The following MADD variants were observed in gnomAD, a reference collection of about 807,000 sequenced individuals.
MADD encodes the protein MAP kinase activating death domain, also known as MAP kinase-activating death domain protein.
A neutral mutation model predicts 176.7 loss-of-function variants in MADD; 109 were observed. That is an observed-to-expected ratio of 0.62 (90% CI 0.53 to 0.72). The LOEUF is 0.72. MADD is among the 30% of genes least tolerant of loss of function. The pLI is 0.00. For synonymous variants in MADD, 771 were observed against 771.3 expected (o/e 1.00, Z 0.01); for missense variants, 1,914 against 2,045.5 (o/e 0.94, Z 1.24).
chr11:47,297,322 A>T (rs1023017062), intron 22 of MADD, among the ~76,000 whole-genome samples: 2 of 152,162 alleles, frequency 1.3e-5, no homozygotes, highest in Non-Finnish European at 2.9e-5. Context: ...GGAGATTGGG[A>T]ATAGGACTGA....
At chr11:47,275,212 A>G in intron 3 of MADD, 53 bp downstream of exon 3, 7 of 1,509,496 alleles carry the variant, frequency 4.6e-6, no homozygotes, top group Non-Finnish European at 3.6e-6. Flanking sequence ...ATTCCATGTA[A>G]TTGGTCTTTG....
chr11:47,295,024 T>TG (rs1339618222), intron 20 of MADD, among the ~76,000 whole-genome samples: 4 of 151,850 alleles, frequency 2.6e-5, no homozygotes, highest in Admixed American at 1.3e-4. Flanking sequence ...TTTGTTTTTT[T>TG]TTTTGAGACA....
At chr11:47,324,642 C>T in intron 30 of MADD, 65 bp downstream of exon 33, 1 of 1,075,290 alleles carries the variant, frequency 9.3e-7, no homozygotes, top group Non-Finnish European at 1.4e-6. Context: ...AATGTCCAAG[C>T]CCCCAGTACT....
rs769757772 is a variant in MADD, at chr11:47,281,631, T to G, written c.1347T>G (p.His449Gln). Residue 449 changes from histidine to glutamine, a missense_variant, in exon 8 of 33, where the codon CAT becomes CAG. Coordinates refer to ENST00000402192, the Ensembl canonical transcript of MADD. ...CCATCCTCAATCTGGAGAAATTTCATGAGGGCCAGGAGATCCCCCTTCTCT... is the reference window on the plus strand; with the variant it reads ...CCATCCTCAATCTGGAGAAATTTCAGGAGGGCCAGGAGATCCCCCTTCTCT... The G allele has an allele frequency of 6.2e-7, 1 of 1,613,528 alleles. No homozygotes were observed. The highest frequency in any genetic ancestry group is 8.5e-7 in the Non-Finnish European group (1 of 1,179,654).
At chr11:47,322,408 C>G (rs2094610674) in intron 27 of MADD, among the ~76,000 whole-genome samples, 1 of 151,954 alleles carries the variant, frequency 6.6e-6, no homozygotes, top group Non-Finnish European at 1.5e-5. Flanking sequence ...GAGATCAAGA[C>G]TATCCTTGCT....
intron 18 of MADD, 112 bp from the exon 20 acceptor site, chr11:47,290,498 C>A: frequency 7.8e-7 from 1 of 1,288,302 alleles, no homozygotes; most frequent in Non-Finnish European, 1.1e-6. Context: ...GCTCATCTTT[C>A]CTTGAACTTC....
At chr11:47,316,171 G>GCA (rs1565533404) in intron 27 of MADD, among the ~76,000 whole-genome samples, 1 of 57,756 alleles carries the variant, frequency 1.7e-5, no homozygotes, top group South Asian at 7.2e-4. Flanking sequence ...GCACACACAC[G>GCA]CGCACACACA....
chr11:47,294,450 G>A (rs1212651310), intron 20 of MADD, among the ~76,000 whole-genome samples: 1 of 151,822 alleles, frequency 6.6e-6, no homozygotes, highest in Admixed American at 6.6e-5. Context: ...GGTCACTTGA[G>A]GTCAGGAGTT....
chr11:47,294,669 C>CAAAAAAAAA (rs58253961), intron 20 of MADD, among the ~76,000 whole-genome samples: 2 of 56,020 alleles, frequency 3.6e-5, no homozygotes, highest in Non-Finnish European at 6.8e-5. Context: ...GACTCCGTCT[C>CAAAAAAAAA]AAAAAAAAAA....
rs1462951524 is a variant in MADD at position 47,278,049 on chromosome 11, CAA to C, written c.1096-115_1096-114del. ...CTGAATTTTCAAATACATCTGGCCTCAAGAGTTTTGGAAGAGGGATTGTATCT... is the reference window on the plus strand; with the variant it reads ...CTGAATTTTCAAATACATCTGGCCTCGAGTTTTGGAAGAGGGATTGTATCT... On this transcript the variant is annotated intron_variant, in intron 5 of 32. Coordinates refer to ENST00000402192, the Ensembl canonical transcript of MADD. 6 of 741,378 alleles carry C rather than the reference CAA, an allele frequency of 8.1e-6. No homozygotes were observed. The African/African-American group carries it at 8.6e-5, about 11-fold the overall frequency. 45.9% of individuals were successfully genotyped at this position (741,378 alleles called of 1,614,324 possible).
chr11:47,282,956 C>T, exon 10 of MADD: 1 of 1,613,634 alleles, frequency 6.2e-7, no homozygotes, highest in Non-Finnish European at 8.5e-7. Context: ...TGACTCCGAA[C>T]CTACTGATGA....
At chr11:47,290,163 G>A in exon 18 of MADD, 4 of 1,614,184 alleles carry the variant, frequency 2.5e-6, no homozygotes, top group Non-Finnish European at 3.4e-6. Context: ...TCAGTCGGAA[G>A]GTGTACAAGG....
chr11:47,301,261 C>T (rs1267251689), intron 22 of MADD, among the ~76,000 whole-genome samples: 2 of 151,854 alleles, frequency 1.3e-5, no homozygotes, highest in East Asian at 3.9e-4. Flanking sequence ...TACAGGTGCC[C>T]ACCACCACAA....
chr11:47,326,856 C>A, intron 31 of MADD, 49 bp downstream of exon 35: 2 of 1,611,214 alleles, frequency 1.2e-6, no homozygotes, highest in South Asian at 2.2e-5. Flanking sequence ...GGCAGTAACT[C>A]AAACCTCGGA....
At chr11:47,313,392 C>T (rs551337963) in intron 26 of MADD, among the ~76,000 whole-genome samples, 9 of 151,742 alleles carry the variant, frequency 5.9e-5, no homozygotes, top group Admixed American at 2.0e-4. Context: ...CTGCTACCTC[C>T]GCCTCCTGGG....
intron 27 of MADD, among the ~76,000 whole-genome samples, chr11:47,316,121 C>T (rs1372590444): frequency 6.6e-6 from 1 of 152,104 alleles, no homozygotes; most frequent in Non-Finnish European, 1.5e-5. Context: ...CAGGTGTGAG[C>T]CACTGCGCCC....
At chr11:47,328,594 G>T (rs374421340) in intron 31 of MADD, 64 bp from the exon 36 acceptor site, 135 of 1,610,596 alleles carry the variant, frequency 8.4e-5, no homozygotes, top group Middle Eastern at 1.6e-4. Flanking sequence ...CCGCCTGGGG[G>T]AGCATGGCAC....
At chr11:47,289,581 G>A in intron 16 of MADD, 88 bp downstream of exon 17, 5 of 1,108,574 alleles carry the variant, frequency 4.5e-6, no homozygotes, top group Non-Finnish European at 2.8e-6. Flanking sequence ...AAGAGTGGGA[G>A]AGAAGCTCTC....
intron 22 of MADD, among the ~76,000 whole-genome samples, chr11:47,302,380 A>T (rs538129265): frequency 2.6e-5 from 4 of 152,100 alleles, no homozygotes; most frequent in African/African-American, 9.6e-5. Context: ...TGCCCAGCTA[A>T]TTTTTGTATT....
Sources: gnomAD v4.1 joint callset for allele counts (sites outside exome capture counted in the v4.1 genomes callset) on GRCh38, gnomAD v4.1.1 for gene constraint, MANE v1.5 for transcripts, NCBI Gene and HGNC (gene_info 2026-07-23, HGNC 2026-07-21) for gene names.